RANBP17: variants seen among roughly 807,000 people sequenced by gnomAD.
RANBP17 encodes ran-binding protein 17.
A neutral mutation model predicts 141.2 loss-of-function variants in RANBP17; 158 were observed. The ratio of observed to expected loss-of-function variants is 1.12; its 90% CI spans 0.98 to 1.28. The LOEUF (loss-of-function observed/expected upper bound fraction) is 1.28. RANBP17 is among the 50% of genes most tolerant of loss of function. The pLI is 0.00. For missense variants in RANBP17, 1,438 were observed against 1,290.7 expected, an observed-to-expected ratio of 1.11 and a Z score of -1.75; for synonymous variants, 430 against 450.0, an observed-to-expected ratio of 0.96 and a Z score of 0.56.
intron 14 of RANBP17, among the ~76,000 whole-genome samples, chr5:171,058,835 C>G (rs1783596862): frequency 6.7e-6 from 1 of 149,584 alleles, no homozygotes; most frequent in South Asian, 2.1e-4. Flanking sequence ...TGTTTCCTGA[C>G]TTTTTAATGA....
At chr5:170,905,591 G>C (rs562735301) in intron 5 of RANBP17, among the ~76,000 whole-genome samples, 1 of 152,062 alleles carries the variant, frequency 6.6e-6, no homozygotes, top group African/African-American at 2.4e-5. Context: ...CCACCCCAGA[G>C]TATATGCTGT....
At chr5:171,246,621 A>G (rs1765232051) in intron 24 of RANBP17, among the ~76,000 whole-genome samples, 1 of 152,242 alleles carries the variant, frequency 6.6e-6, no homozygotes, top group African/African-American at 2.4e-5. Flanking sequence ...TTTATCTTAC[A>G]TCATAGTAAT....
intron 13 of RANBP17, among the ~76,000 whole-genome samples, chr5:170,956,898 C>T (rs537567880): frequency 4.6e-5 from 7 of 151,772 alleles, no homozygotes; most frequent in African/African-American, 1.2e-4. Context: ...GGTGAAACCC[C>T]GTCTCTACTA....
At chr5:171,061,138 G>A (rs1173791096) in intron 14 of RANBP17, among the ~76,000 whole-genome samples, 4 of 152,130 alleles carry the variant, frequency 2.6e-5, no homozygotes, top group African/African-American at 9.6e-5. Context: ...ATTTTTGGAA[G>A]GGTTTTTTGT....
intron 18 of RANBP17, among the ~76,000 whole-genome samples, chr5:171,184,933 C>T (rs771778779): frequency 5.9e-5 from 9 of 152,058 alleles, no homozygotes; most frequent in Non-Finnish European, 7.4e-5. Context: ...GAGGCTGAGG[C>T]GGGTGGATCA....
intron 3 of RANBP17, among the ~76,000 whole-genome samples, chr5:170,888,951 T>A (rs192903395): frequency 2.0e-4 from 30 of 152,276 alleles, no homozygotes; most frequent in Middle Eastern, 3.4e-3. Flanking sequence ...TCAAATACTT[T>A]TTCTGCATCT....
At chr5:170,957,176 G>C (rs1775789652) in intron 13 of RANBP17, among the ~76,000 whole-genome samples, 1 of 152,010 alleles carries the variant, frequency 6.6e-6, no homozygotes. Flanking sequence ...ATTTGCCAAT[G>C]AGAAACAAAT....
intron 9 of RANBP17, 133 bp downstream of exon 9, chr5:170,916,717 CT>C (rs5873244): frequency 0.52 from 132,918 of 257,876 alleles, 23,433 homozygotes; most frequent in South Asian, 0.61. Context: ...TTCCTTAGAG[CT>C]TTTTTTTTTT....
Position 171,098,855 on chromosome 5 carries a change from C to A in RANBP17, c.1711-71275C>A, listed in dbSNP as rs140842805. ...GGGTCCAGTTTCAGTTTTCTGCAACCCCGTTTCTTAAATAGGGAATTCTTT... is the reference window on the plus strand; with the variant it reads ...GGGTCCAGTTTCAGTTTTCTGCAACACCGTTTCTTAAATAGGGAATTCTTT... On this transcript the variant is annotated intron_variant, in intron 14 of 27. Coordinates refer to ENST00000523189, the MANE Select transcript of RANBP17 (RefSeq NM_022897.5). Among the ~76,000 whole-genome samples, 25 of 147,442 alleles carry A rather than the reference C, an allele frequency of 1.7e-4. No homozygotes were observed. The East Asian group carries it at 5.0e-3, about 29-fold the overall frequency.
At chr5:171,107,252 C>G (rs1754910525) in intron 14 of RANBP17, among the ~76,000 whole-genome samples, 1 of 152,156 alleles carries the variant, frequency 6.6e-6, no homozygotes, top group Non-Finnish European at 1.5e-5. Context: ...TTACACTGCT[C>G]TTCTTCTCTG....
At chr5:171,236,967 A>G (rs1764581330) in intron 22 of RANBP17, among the ~76,000 whole-genome samples, 1 of 152,170 alleles carries the variant, frequency 6.6e-6, no homozygotes, top group Non-Finnish European at 1.5e-5. Flanking sequence ...GAGGCCTGTG[A>G]AAGAAAGCCA....
intron 14 of RANBP17, among the ~76,000 whole-genome samples, chr5:170,985,836 G>T (rs1351673721): frequency 5.3e-5 from 8 of 152,170 alleles, no homozygotes; most frequent in African/African-American, 1.9e-4. Flanking sequence ...ATCAGTATGT[G>T]TTGTGGTAGC....
chr5:171,235,004 G>A (rs564071025), intron 22 of RANBP17, among the ~76,000 whole-genome samples: 1 of 152,308 alleles, frequency 6.6e-6, no homozygotes, highest in African/African-American at 2.4e-5. Flanking sequence ...GAGCTCTGGT[G>A]CACTCCAATG....
chr5:171,169,860 T>G (rs1041866015), intron 14 of RANBP17, among the ~76,000 whole-genome samples: 1 of 150,970 alleles, frequency 6.6e-6, no homozygotes, highest in African/African-American at 2.4e-5. Flanking sequence ...AAAAAAAAAA[T>G]GTGTGTGGTG....
chr5:170,910,875 T>G, intron 6 of RANBP17, 94 bp from the exon 7 acceptor site: 1 of 1,254,452 alleles, frequency 8.0e-7, no homozygotes, highest in Non-Finnish European at 1.1e-6. Flanking sequence ...CCTTTATTAG[T>G]TTTCATTTGA....
chr5:171,147,108 C>G (rs1581732637), intron 14 of RANBP17, among the ~76,000 whole-genome samples: 2 of 152,098 alleles, frequency 1.3e-5, no homozygotes, highest in African/African-American at 4.8e-5. Flanking sequence ...AGGGGTGCCA[C>G]TGTCATCTAG....
At chr5:170,996,914 C>G (rs1041751058) in intron 14 of RANBP17, among the ~76,000 whole-genome samples, 10 of 152,084 alleles carry the variant, frequency 6.6e-5, no homozygotes, top group African/African-American at 2.2e-4. Flanking sequence ...TGTGATGTGT[C>G]TAGAAAGGTG....
At chr5:171,222,093 A>AATAC (rs1022567703) in intron 22 of RANBP17, among the ~76,000 whole-genome samples, 1 of 152,224 alleles carries the variant, frequency 6.6e-6, no homozygotes, top group African/African-American at 2.4e-5. Flanking sequence ...TAGATGAGGG[A>AATAC]ATACACTAGG....
At chr5:171,100,036 G>A (rs1787025664) in intron 14 of RANBP17, among the ~76,000 whole-genome samples, 1 of 152,200 alleles carries the variant, frequency 6.6e-6, no homozygotes, top group Admixed American at 6.5e-5. Context: ...TCGCATCGAT[G>A]TTCATCAGGG....
Sources: gnomAD v4.1 joint callset for allele counts (sites outside exome capture counted in the v4.1 genomes callset) on GRCh38, gnomAD v4.1.1 for gene constraint, MANE v1.5 for transcripts, NCBI Gene and HGNC (gene_info 2026-07-23, HGNC 2026-07-21) for gene names.